The following NELL2 variants were observed in gnomAD, a reference collection of about 807,000 sequenced individuals.
NELL2 encodes the protein protein kinase C-binding protein NELL2.
In NELL2, 41 loss-of-function variants were observed where a neutral mutation model predicts 109.6. The ratio of observed to expected loss-of-function variants is 0.37; its 90% CI spans 0.29 to 0.49. The LOEUF is 0.49. NELL2 is among the 20% of genes least tolerant of loss of function. NELL2 has a pLI of 0.98. For synonymous variants in NELL2, 355 were observed against 344.7 expected (o/e 1.03, Z -0.33); for missense variants, 900 against 1,008.3 (o/e 0.89, Z 1.45).
At chr12:44,572,582 C>T (rs1943914849) in intron 15 of NELL2, among the ~76,000 whole-genome samples, 1 of 151,964 alleles carries the variant, frequency 6.6e-6, no homozygotes, top group South Asian at 2.1e-4. Flanking sequence ...AACATATTTT[C>T]TGGACAACAG....
chr12:44,612,017 CATTG>C (rs1298581679), intron 13 of NELL2, among the ~76,000 whole-genome samples: 2 of 151,956 alleles, frequency 1.3e-5, no homozygotes, highest in African/African-American at 4.8e-5. Context: ...TAATAAATTA[CATTG>C]ATTGAGCCAT....
chr12:44,563,673 A>G (rs1026910088), intron 15 of NELL2, among the ~76,000 whole-genome samples: 8 of 152,214 alleles, frequency 5.3e-5, no homozygotes, highest in Non-Finnish European at 1.0e-4. Context: ...ACTGATTTGA[A>G]AGAATCTTCT....
intron 9 of NELL2, among the ~76,000 whole-genome samples, chr12:44,752,945 A>C (rs908578826): frequency 2.0e-5 from 3 of 152,140 alleles, no homozygotes. Flanking sequence ...AGGTCCCCAG[A>C]AGGTCTTGCA....
At chr12:44,715,017 C>T (rs1460501710) in intron 9 of NELL2, among the ~76,000 whole-genome samples, 1 of 151,852 alleles carries the variant, frequency 6.6e-6, no homozygotes, top group Admixed American at 6.6e-5. Context: ...AGCAGACTTA[C>T]AGCCAATTAC....
Position 44,665,546 on chromosome 12 carries a change from G to C in NELL2, c.1382C>G (p.Pro461Arg). The change falls in exon 13 of 20, where the codon CCG becomes CGG. Residue 461 changes from proline to arginine, a missense_variant. Transcript: ENST00000429094. The part of the protein sequence containing the change: ...CRENTMCVNT[P>R]GSFMCICKTG... Reference sequence around the variant, plus strand: ...TTTGCAGATGCACATAAAAGAACCCGGGGTGTTGACACACATTGTATTTTC... The same window carrying C: ...TTTGCAGATGCACATAAAAGAACCCCGGGTGTTGACACACATTGTATTTTC... 6.2e-7 allele frequency: 1 copy of C among 1,613,460 alleles called. No homozygotes were observed. Among genetic ancestry groups the C allele is most frequent in the Non-Finnish European group, 8.5e-7 (1 of 1,179,464 alleles).
intron 2 of NELL2, among the ~76,000 whole-genome samples, chr12:44,848,351 G>C (rs1944435587): frequency 6.6e-6 from 1 of 152,122 alleles, no homozygotes; most frequent in East Asian, 1.9e-4. Flanking sequence ...AGCACCAATG[G>C]GAGCCAAGAT....
intron 13 of NELL2, among the ~76,000 whole-genome samples, chr12:44,653,082 A>G (rs1256636088): frequency 6.6e-6 from 1 of 152,200 alleles, no homozygotes; most frequent in Non-Finnish European, 1.5e-5. Flanking sequence ...CACGTAAGGT[A>G]GCATATTATT....
chr12:44,577,355 T>C (rs997020431), intron 15 of NELL2, among the ~76,000 whole-genome samples: 3 of 141,932 alleles, frequency 2.1e-5, no homozygotes, highest in Non-Finnish European at 4.6e-5. Flanking sequence ...TTTTGAGAAG[T>C]GTCTGTTCAT....
chr12:44,737,800 C>G (rs1000862772), intron 9 of NELL2, among the ~76,000 whole-genome samples: 3 of 151,972 alleles, frequency 2.0e-5, no homozygotes, highest in African/African-American at 4.8e-5. Context: ...CCCCTGGTAT[C>G]CAACCAAGAG....
intron 9 of NELL2, among the ~76,000 whole-genome samples, chr12:44,745,847 A>C (rs891559609): frequency 6.6e-6 from 1 of 152,192 alleles, no homozygotes; most frequent in Non-Finnish European, 1.5e-5. Flanking sequence ...AGGAAGAATC[A>C]ATATCATGAA....
At chr12:44,677,598 A>G (rs576079995) in intron 12 of NELL2, among the ~76,000 whole-genome samples, 1 of 152,116 alleles carries the variant, frequency 6.6e-6, no homozygotes, top group Non-Finnish European at 1.5e-5. Context: ...TGCATGGTAG[A>G]GGATAAATTA....
intron 2 of NELL2, among the ~76,000 whole-genome samples, chr12:44,817,894 G>A (rs1287864036): frequency 1.3e-5 from 2 of 152,160 alleles, no homozygotes; most frequent in Non-Finnish European, 2.9e-5. Flanking sequence ...ACACAGACCT[G>A]ACCAATCCGG....
chr12:44,830,030 T>C (rs1362394268), intron 2 of NELL2, among the ~76,000 whole-genome samples: 2 of 152,226 alleles, frequency 1.3e-5, no homozygotes, highest in East Asian at 3.8e-4. Flanking sequence ...GTTACTGTTT[T>C]GACATGGCTC....
At chr12:44,576,675 A>G (rs2136203341) in intron 15 of NELL2, among the ~76,000 whole-genome samples, 1 of 152,048 alleles carries the variant, frequency 6.6e-6, no homozygotes, top group South Asian at 2.1e-4. Context: ...CATTAGGTAT[A>G]TCTCCCAATG....
At chr12:44,645,255 A>G (rs916783042) in intron 13 of NELL2, among the ~76,000 whole-genome samples, 1 of 152,126 alleles carries the variant, frequency 6.6e-6, no homozygotes, top group African/African-American at 2.4e-5. Context: ...TAAGCAAGGG[A>G]AGAACATGGG....
At chr12:44,819,130 G>T (rs1943457789) in intron 2 of NELL2, among the ~76,000 whole-genome samples, 1 of 152,138 alleles carries the variant, frequency 6.6e-6, no homozygotes, top group Admixed American at 6.5e-5. Flanking sequence ...GAAACTAAAA[G>T]AACAGATCAG....
chr12:44,675,936 A>T (rs538309255), intron 12 of NELL2, among the ~76,000 whole-genome samples: 229 of 152,062 alleles, frequency 1.5e-3, no homozygotes, highest in Non-Finnish European at 1.2e-3. Context: ...CTCAGGCATG[A>T]CACTCCCTTT....
intron 12 of NELL2, among the ~76,000 whole-genome samples, chr12:44,701,676 A>G (rs1285603306): frequency 6.6e-6 from 1 of 152,158 alleles, no homozygotes; most frequent in Non-Finnish European, 1.5e-5. Flanking sequence ...AAAACGTACT[A>G]TGAATATACC....
chr12:44,779,932 A>C lies in NELL2; in HGVS notation c.426T>G (p.Pro142=). ...GCCACTTGTCATCAGCCAAAATGTAAGGAAACACTTCTGTGTGAGGGCGGT... is the reference window on the plus strand; with the variant it reads ...GCCACTTGTCATCAGCCAAAATGTACGGAAACACTTCTGTGTGAGGGCGGT... ...GSHRPHTEVF[P]YILADDKWHK... is the part of the protein sequence containing the mutation. The change falls in exon 4 of 20, where the codon CCT becomes CCG. Residue 142 remains proline, a synonymous_variant. Transcript: ENST00000429094. 6.2e-7 allele frequency: 1 copy of C among 1,613,968 alleles called. No individual in the cohort carries two copies.
Sources: gnomAD v4.1 joint callset for allele counts (sites outside exome capture counted in the v4.1 genomes callset) on GRCh38, gnomAD v4.1.1 for gene constraint, MANE v1.5 for transcripts, NCBI Gene and HGNC (gene_info 2026-07-23, HGNC 2026-07-21) for gene names.